LIPF: variants seen among roughly 807,000 people sequenced by gnomAD.
The protein encoded by LIPF is lipase F, gastric type, also known as gastric triacylglycerol lipase.
LIPF carries 25 observed loss-of-function variants against 38.0 expected under a neutral mutation model. The observed-to-expected ratio is 0.66, with a 90% CI of 0.48 to 0.92. The LOEUF is 0.92. LIPF is among the 40% of genes least tolerant of loss of function. The probability of loss-of-function intolerance (pLI) is 0.00; values close to 1 mark genes in which losing one functional copy is unlikely to be tolerated. For synonymous variants in LIPF, 161 were observed against 156.2 expected (o/e 1.03, Z -0.23); for missense variants, 410 against 469.9 (o/e 0.87, Z 1.18).
intron 6 of LIPF, among the ~76,000 whole-genome samples, chr10:88,672,314 C>A (rs1419194086): frequency 2.0e-5 from 3 of 151,976 alleles, no homozygotes; most frequent in Non-Finnish European, 4.4e-5. Flanking sequence ...ACAAAATAGT[C>A]AAATGAGAAG....
At chr10:88,673,306 A>G (rs549631094) in intron 6 of LIPF, among the ~76,000 whole-genome samples, 2 of 152,066 alleles carry the variant, frequency 1.3e-5, no homozygotes, top group South Asian at 4.2e-4. Flanking sequence ...AACTCCTATC[A>G]CCCCAACTAG....
chr10:88,665,817 C>T (rs542481398), intron 1 of LIPF, among the ~76,000 whole-genome samples: 53 of 144,580 alleles, frequency 3.7e-4, no homozygotes, highest in African/African-American at 1.0e-3. Flanking sequence ...GATCTCCGCT[C>T]ACTGCAACCT....
intron 9 of LIPF, among the ~76,000 whole-genome samples, chr10:88,677,373 C>A (rs752899167): frequency 2.0e-5 from 3 of 152,146 alleles, no homozygotes; most frequent in Non-Finnish European, 1.5e-5. Flanking sequence ...GAAACCCAGT[C>A]CCCAAGTCCA....
chr10:88,677,902 T>C (rs1241961886), intron 9 of LIPF, among the ~76,000 whole-genome samples: 2 of 152,188 alleles, frequency 1.3e-5, no homozygotes, highest in Non-Finnish European at 2.9e-5. Context: ...ATTCAACAAT[T>C]ACAGCTCCAT....
chr10:88,665,736 G>GTTTTTTTTTTTTT (rs1841501585), intron 1 of LIPF, among the ~76,000 whole-genome samples: 5 of 121,902 alleles, frequency 4.1e-5, no homozygotes, highest in Non-Finnish European at 5.1e-5. Flanking sequence ...GTTAAAAACT[G>GTTTTTTTTTTTTT]ATTTTTTTTT....
chr10:88,676,113 T>C (rs1841682195), intron 8 of LIPF, 96 bp from the exon 9 acceptor site: 1 of 670,692 alleles, frequency 1.5e-6, no homozygotes, highest in African/African-American at 1.9e-5. Flanking sequence ...TCTTAATAAT[T>C]GTTTAAATTG....
intron 7 of LIPF, among the ~76,000 whole-genome samples, chr10:88,674,654 T>C (rs3858282): frequency 0.39 from 59,876 of 152,034 alleles, 12,138 homozygotes; most frequent in East Asian, 0.5. Context: ...AATGGGTTAT[T>C]GGGAAGATCA....
intron 9 of LIPF, among the ~76,000 whole-genome samples, chr10:88,677,172 C>T (rs534952386): frequency 6.6e-6 from 1 of 150,956 alleles, no homozygotes; most frequent in East Asian, 2.0e-4. Context: ...AGAAGGTGCC[C>T]CCCAACCTTG....
rs752786650 is a variant in LIPF at position 88,668,734 on chromosome 10, T to G, written c.400T>G (p.Ser134Ala). The change falls in exon 4 of 10, where the codon TCA becomes GCA. Residue 134 changes from serine to alanine, a missense_variant. Physicochemically the swap from Ser to Ala is moderately conservative, Grantham distance 99 (BLOSUM62 1). Transcript: ENST00000238983. ...ARRNLYYSPD[S>A]VEFWAFSFDE... ...AAGAAACTTGTACTATTCACCAGATTCAGTTGAATTCTGGGCTTTCAGGTA... is the reference window on the plus strand; with the variant it reads ...AAGAAACTTGTACTATTCACCAGATGCAGTTGAATTCTGGGCTTTCAGGTA... 6.2e-7 allele frequency: 1 copy of G among 1,613,820 alleles called. No homozygotes were observed. Among genetic ancestry groups the G allele is most frequent in the Non-Finnish European group, 8.5e-7 (1 of 1,179,884 alleles).
rs200285111 is a variant in LIPF at position 88,669,872 on chromosome 10, C to T, written c.458C>T (p.Thr153Ile). ...ATGGCTAAATATGACCTTCCAGCCACAATCGACTTCATTGTAAAGAAAACT... is the reference window on the plus strand; with the variant it reads ...ATGGCTAAATATGACCTTCCAGCCATAATCGACTTCATTGTAAAGAAAACT... ...DEMAKYDLPA[T>I]IDFIVKKTGQ... Residue 153 changes from threonine to isoleucine, a missense_variant, in exon 5 of 10, where the codon ACA (threonine) becomes ATA (isoleucine). Thr to Ile is a moderately conservative substitution (Grantham distance 89). Coordinates refer to ENST00000238983, the MANE Select transcript of LIPF (RefSeq NM_004190.4). The T allele has an allele frequency of 1.1e-5, 18 of 1,613,392 alleles. No homozygotes were observed. Among genetic ancestry groups the T allele is most frequent in the South Asian group, 1.1e-5 (1 of 91,006 alleles).
intron 1 of LIPF, among the ~76,000 whole-genome samples, 180 bp downstream of exon 1, chr10:88,664,671 G>T (rs998716696): frequency 1.3e-5 from 2 of 151,874 alleles, no homozygotes; most frequent in Admixed American, 6.6e-5. Context: ...TTTTTGTATG[G>T]ACATGAGACT....
intron 9 of LIPF, 36 bp from the exon 10 acceptor site, chr10:88,678,409 T>A (rs376602803): frequency 6.9e-7 from 1 of 1,454,004 alleles, no homozygotes; most frequent in East Asian, 2.3e-5. Flanking sequence ...AAAGTGTGGT[T>A]ACCTAAACTC....
At chr10:88,665,396 T>C (rs369745129) in intron 1 of LIPF, 3 of 648,536 alleles carry the variant, frequency 4.6e-6, no homozygotes, top group Non-Finnish European at 2.8e-6. Flanking sequence ...AGCAAGATAG[T>C]TCATTTCACG....
intron 1 of LIPF, chr10:88,665,434 A>C (rs1239750150): frequency 2.5e-6 from 2 of 806,702 alleles, no homozygotes; most frequent in Non-Finnish European, 4.2e-6. Flanking sequence ...ACAGTACAGC[A>C]CACAGTGAGT....
chr10:88,675,107 G>C (rs1841665741), intron 7 of LIPF, among the ~76,000 whole-genome samples: 1 of 152,164 alleles, frequency 6.6e-6, no homozygotes, highest in African/African-American at 2.4e-5. Flanking sequence ...CTATATTAAT[G>C]GCATTAAGAG....
chr10:88,672,135 T>C (rs989341071), intron 6 of LIPF, among the ~76,000 whole-genome samples, 170 bp downstream of exon 6: 3 of 152,182 alleles, frequency 2.0e-5, no homozygotes, highest in African/African-American at 7.2e-5. Flanking sequence ...TGTTTGAATC[T>C]CCTTACAGCC....
In LIPF at chr10:88,672,625, A is replaced by AACACACACAC. The variant is rs71471111; in HGVS notation, c.669+697_669+706dup. Among the ~76,000 whole-genome samples the AACACACACAC allele has an allele frequency of 1.3e-3, 168 of 130,956 alleles. 1 individual carries two copies. The highest frequency in any genetic ancestry group is 2.2e-3 in the Non-Finnish European group (139 of 61,888). 85.9% of individuals were successfully genotyped at this position (130,956 alleles called of 152,430 possible). ...CCTAATTCTCTCACCCAGTAAAACC[A>AACACACACAC]ACACACACACACACACACACACACA... On this transcript the variant is annotated intron_variant, in intron 6 of 9. Transcript: ENST00000238983.
At chr10:88,673,019 A>G (rs1011622211) in intron 6 of LIPF, among the ~76,000 whole-genome samples, 1 of 152,180 alleles carries the variant, frequency 6.6e-6, no homozygotes, top group Non-Finnish European at 1.5e-5. Flanking sequence ...TTCTAGGTAT[A>G]ATCGAGCTCT....
In LIPF at chr10:88,678,695, G is replaced by C; in HGVS notation, c.*14G>C. Reference sequence around the variant, plus strand: ...GATAAAAAGTAGTTCTGGATTTAAAGAATTATCCGTTTGTTTTTCCAAAAT... The same window carrying C: ...GATAAAAAGTAGTTCTGGATTTAAACAATTATCCGTTTGTTTTTCCAAAAT... On this transcript the variant is annotated 3_prime_UTR_variant, in exon 10 of 10. Transcript: ENST00000238983. The C allele has an allele frequency of 1.3e-6, 2 of 1,540,072 alleles. No homozygotes were observed. The highest frequency in any genetic ancestry group is 1.8e-6 in the Non-Finnish European group (2 of 1,113,608).
Sources: allele counts gnomAD v4.1 joint callset (sites outside exome capture counted in the v4.1 genomes callset), GRCh38; gene constraint gnomAD v4.1.1; transcripts MANE v1.5; gene names NCBI Gene and HGNC (gene_info 2026-07-23, HGNC 2026-07-21).